ZNF462: variants seen among roughly 807,000 people sequenced by gnomAD.
The protein encoded by ZNF462 is zinc finger PBX1-interacting protein.
ZNF462 carries 10 observed loss-of-function variants against 201.9 expected under a neutral mutation model. That is an observed-to-expected ratio of 0.05 (90% CI 0.03 to 0.08). ZNF462 has a LOEUF of 0.08. Among genes scored for constraint, ZNF462 ranks in the 10% least tolerant of loss-of-function variants. The probability of loss-of-function intolerance (pLI) is 1.00; values close to 1 mark genes in which losing one functional copy is unlikely to be tolerated. For missense variants in ZNF462, 2,523 were observed against 3,168.3 expected, an observed-to-expected ratio of 0.80 and a Z score of 4.89; for synonymous variants, 1,227 against 1,193.3, an observed-to-expected ratio of 1.03 and a Z score of -0.58.
rs370207613 is a variant in ZNF462, at chr9:106,929,526, C to T, written c.5614C>T (p.Arg1872Trp). ...CATGCATTACACTGACCACCACAGT[C>T]GGGACCTAAAGAGGGACTTCATCAT... ...LCMHYTDHHS[R>W]DLKRDFIILG... Residue 1872 changes from arginine to tryptophan, a missense_variant, in exon 3 of 13, where the codon CGG becomes TGG. Coordinates refer to ENST00000277225, the MANE Select transcript of ZNF462 (RefSeq NM_021224.6). This position sits in a 1 kb window ranked among gnomAD's most constrained non-coding sequence, Gnocchi z 8.7. 8.7e-6 allele frequency: 14 copies of T among 1,614,034 alleles called. No homozygotes were observed. Among genetic ancestry groups the T allele is most frequent in the African/African-American group, 1.3e-5 (1 of 74,906 alleles).
chr9:107,008,482 T>C lies in ZNF462; in HGVS notation c.7190-1063T>C, dbSNP rs1052769610. 6.6e-6 allele frequency among the ~76,000 whole-genome samples: 1 copy of C among 152,182 alleles called. No individual in the cohort carries two copies. Among genetic ancestry groups the C allele is most frequent in the African/African-American group, 2.4e-5 (1 of 41,430 alleles). Reference sequence around the variant, plus strand: ...AGGCATCTTCCTGTAATGTCTTGTATGTGTGGACCAGAGTGATCAGAGTGT... The same window carrying C: ...AGGCATCTTCCTGTAATGTCTTGTACGTGTGGACCAGAGTGATCAGAGTGT... On this transcript the variant is annotated intron_variant, in intron 11 of 12. Transcript: ENST00000277225. This position sits in a 1 kb window ranked among gnomAD's most constrained non-coding sequence, Gnocchi z 4.8.
intron 7 of ZNF462, among the ~76,000 whole-genome samples, chr9:106,959,311 A>G (rs1043645129): frequency 3.9e-5 from 6 of 152,218 alleles, no homozygotes; most frequent in African/African-American, 1.2e-4. Flanking sequence ...GATGAATACT[A>G]CATATTTTAC....
chr9:106,907,034 T>G (rs1829301460), intron 1 of ZNF462, among the ~76,000 whole-genome samples: 1 of 152,204 alleles, frequency 6.6e-6, no homozygotes, highest in Admixed American at 6.5e-5. Context: ...CATCAAGTGC[T>G]CTTCAGCCTC....
intron 1 of ZNF462, among the ~76,000 whole-genome samples, chr9:106,891,947 C>G (rs1828596826): frequency 6.6e-6 from 1 of 152,174 alleles, no homozygotes; most frequent in Non-Finnish European, 1.5e-5. Context: ...GAACCATTTT[C>G]CTTTCAGGAG....
chr9:106,974,708 T>A lies in ZNF462; in HGVS notation c.6832+435T>A, dbSNP rs547369992. The A allele has an allele frequency of 2.1e-5, 5 of 237,334 alleles. No individual in the cohort carries two copies. In the East Asian group the frequency reaches 3.8e-4, roughly 18 times the overall value. The allele number at this position is 237,334 out of a possible 1,614,324, so 14.7% of individuals were successfully genotyped here. A position where few individuals can be genotyped will look rare whatever the true frequency, so the allele number is the denominator to read the frequency against. ...GATTTCCAAAGCAGAACATGGAACT[T>A]CCCTTGAAATGGTTGAAGGGAGAGA... On this transcript the variant is annotated intron_variant, in intron 9 of 12. Coordinates refer to ENST00000277225, the MANE Select transcript of ZNF462 (RefSeq NM_021224.6). This position sits in a 1 kb window ranked among gnomAD's most constrained non-coding sequence, Gnocchi z 4.0.
Position 106,885,187 on chromosome 9 carries a change from C to T in ZNF462, c.-31+21832C>T, listed in dbSNP as rs985031378. Among the ~76,000 whole-genome samples the T allele has an allele frequency of 1.3e-5, 2 of 152,172 alleles. No individual in the cohort carries two copies. Among genetic ancestry groups the T allele is most frequent in the African/African-American group, 4.8e-5 (2 of 41,454 alleles). ...ATTTATTTTCTTTACATGTTGTCTA[C>T]TCCTAAAACAACTATCACTACTACC... On this transcript the variant is annotated intron_variant, in intron 1 of 12. Coordinates refer to ENST00000277225, the MANE Select transcript of ZNF462 (RefSeq NM_021224.6). This position sits in a 1 kb window ranked among gnomAD's most constrained non-coding sequence, Gnocchi z 4.1.
intron 1 of ZNF462, among the ~76,000 whole-genome samples, chr9:106,903,602 T>C (rs1316621695): frequency 6.6e-6 from 1 of 152,208 alleles, no homozygotes; most frequent in African/African-American, 2.4e-5. Context: ...ATTTGGGAGC[T>C]GCAGTGTTAG....
chr9:106,864,092 CTCTCTCTCTCT>C (rs1827204063), intron 1 of ZNF462, among the ~76,000 whole-genome samples: 3 of 131,104 alleles, frequency 2.3e-5, no homozygotes, highest in Non-Finnish European at 3.4e-5. Flanking sequence ...CTCTCTCTCT[CTCTCTCTCTCT>C]CTCTCTCCCT....
chr9:106,863,847 A>G (rs1827167440), intron 1 of ZNF462, among the ~76,000 whole-genome samples: 2 of 151,128 alleles, frequency 1.3e-5, no homozygotes, highest in East Asian at 4.0e-4. Context: ...GAGGCCGGAG[A>G]CCTGAGCCGA....
intron 11 of ZNF462, among the ~76,000 whole-genome samples, chr9:107,004,438 G>A (rs1829407788): frequency 6.6e-6 from 1 of 152,090 alleles, no homozygotes; most frequent in Non-Finnish European, 1.5e-5. Context: ...TGTCTAGATG[G>A]CTTGGGGTAA....
Position 106,926,741 on chromosome 9 carries a change from T to C in ZNF462, c.2829T>C (p.His943=). 6.2e-7 allele frequency: 1 copy of C among 1,614,082 alleles called. No individual in the cohort carries two copies. The change falls in exon 3 of 13, where the codon CAT becomes CAC. Residue 943 remains histidine, a synonymous_variant. Transcript: ENST00000277225. This position sits in a 1 kb window ranked among gnomAD's most constrained non-coding sequence, Gnocchi z 7.9. ...CGAATGTTAGAAGCCTGATGCCACA[T>C]TACCAAAGAATGCATCCCACGGTGA... ...TSPNVRSLMP[H]YQRMHPTVKI... is the part of the protein sequence containing the mutation.
Position 106,924,541 on chromosome 9 carries a change from T to C in ZNF462, c.629T>C (p.Val210Ala), listed in dbSNP as rs1240482512. The change falls in exon 3 of 13, where the codon GTA (valine) becomes GCA (alanine). Residue 210 changes from valine (V) to alanine (A), a missense_variant. Around this residue, in one of 15 missense-constraint regions of ZNF462, gnomAD observed 480 missense variants for 544.4 expected, o/e 0.88. Transcript: ENST00000277225. The surrounding 1 kb of genome is among the most constrained non-coding windows in gnomAD (Gnocchi z 6.2). ...ATGCCAGACCCTGTGGTTCCGCCCG[T>C]ATCACTGCAGGACCCCTGCAAGGAA... ...APMPDPVVPP[V>A]SLQDPCKELP... 6.2e-7 allele frequency: 1 copy of C among 1,614,024 alleles called. No homozygotes were observed. The highest frequency in any genetic ancestry group is 1.3e-5 in the African/African-American group (1 of 74,908).
intron 1 of ZNF462, among the ~76,000 whole-genome samples, chr9:106,904,968 A>AT (rs923804577): frequency 1.5e-4 from 23 of 151,906 alleles, no homozygotes; most frequent in Non-Finnish European, 2.6e-4. Context: ...AACTAGTGTG[A>AT]TTTTTTTGTG....
At chr9:106,973,719 C>G (rs1158041134) in intron 8 of ZNF462, among the ~76,000 whole-genome samples, 1 of 152,074 alleles carries the variant, frequency 6.6e-6, no homozygotes, top group Non-Finnish European at 1.5e-5. Flanking sequence ...CTTGTCCTCC[C>G]CCCCTTACCT....
Position 106,968,780 on chromosome 9 carries a change from C to A in ZNF462, c.6428-3225C>A, listed in dbSNP as rs1832193481. ...GACCAGAAGTCTGACTCTCCCAACA[C>A]AAGGATATTTTTAACCTTTCTTTCC... On this transcript the variant is annotated intron_variant, in intron 7 of 12. Coordinates refer to ENST00000277225, the MANE Select transcript of ZNF462 (RefSeq NM_021224.6). The surrounding 1 kb of genome is among the most constrained non-coding windows in gnomAD (Gnocchi z 4.0). Among the ~76,000 whole-genome samples, 1 of 152,172 alleles carries A rather than the reference C, an allele frequency of 6.6e-6. No individual in the cohort carries two copies. The highest frequency in any genetic ancestry group is 6.5e-5 in the Admixed American group (1 of 15,280).
chr9:106,980,443 T>G (rs951430710), intron 9 of ZNF462, among the ~76,000 whole-genome samples: 2 of 152,116 alleles, frequency 1.3e-5, no homozygotes, highest in Non-Finnish European at 2.9e-5. Context: ...AACCCACCTA[T>G]GTTGTGGTGT....
Position 106,984,401 on chromosome 9 carries a change from G to A in ZNF462, c.7048G>A (p.Glu2350Lys), listed in dbSNP as rs968890524. 1 of 1,612,568 alleles carries A rather than the reference G, an allele frequency of 6.2e-7. No homozygotes were observed. Among genetic ancestry groups the A allele is most frequent in the Non-Finnish European group, 8.5e-7 (1 of 1,179,394 alleles). ...GGAACTGGACAGCCACCTTCGGGAT[G>A]AGCATAAGGTACTTACCAGGACTTC... Reference protein sequence around the residue: ...TEELDSHLRDEHKVSRNFELV... With the variant: ...TEELDSHLRDKHKVSRNFELV... The change falls in exon 10 of 13, where the codon GAG becomes AAG. Residue 2350 changes from glutamate (E) to lysine (K), a missense_variant. Around this residue, in one of 15 missense-constraint regions of ZNF462, gnomAD observed 228 missense variants for 361.2 expected, o/e 0.63. Transcript: ENST00000277225. This position sits in a 1 kb window ranked among gnomAD's most constrained non-coding sequence, Gnocchi z 6.4.
intron 1 of ZNF462, among the ~76,000 whole-genome samples, chr9:106,916,170 T>G (rs1356614700): frequency 6.6e-6 from 1 of 152,124 alleles, no homozygotes; most frequent in Non-Finnish European, 1.5e-5. Context: ...CAAGGTAAGT[T>G]GTTAAAAATG....
chr9:106,918,127 G>A (rs894445773), intron 1 of ZNF462, among the ~76,000 whole-genome samples: 2 of 151,674 alleles, frequency 1.3e-5, no homozygotes, highest in Non-Finnish European at 1.5e-5. Flanking sequence ...CATCCACCTC[G>A]GCCTCCCAAA....
Sources: allele counts gnomAD v4.1 joint callset (sites outside exome capture counted in the v4.1 genomes callset), GRCh38; gene constraint gnomAD v4.1.1; regional missense constraint gnomAD v4.1.1; non-coding constraint Gnocchi (gnomAD v3.1); transcripts MANE v1.5; gene names NCBI Gene and HGNC (gene_info 2026-07-23, HGNC 2026-07-21).